GPBP1: variants seen among roughly 807,000 people sequenced by gnomAD.
GPBP1 encodes the protein vasculin.
GPBP1 carries 13 observed loss-of-function variants against 56.5 expected under a neutral mutation model. That is an observed-to-expected ratio of 0.23 (90% CI 0.15 to 0.37). The LOEUF (loss-of-function observed/expected upper bound fraction) is 0.37, where lower values mean the gene tolerates loss of function less well. Ranked by LOEUF, GPBP1 falls within the 10% of genes least tolerant of loss-of-function variation. The probability of loss-of-function intolerance (pLI) is 1.00; values close to 1 mark genes in which losing one functional copy is unlikely to be tolerated. For synonymous variants in GPBP1, 204 were observed against 188.9 expected, an observed-to-expected ratio of 1.08 and a Z score of -0.66; for missense variants, 477 against 572.3, an observed-to-expected ratio of 0.83 and a Z score of 1.70.
intron 3 of GPBP1, among the ~76,000 whole-genome samples, chr5:57,218,250 G>C (rs1452316872): frequency 6.6e-6 from 1 of 152,076 alleles, no homozygotes. Flanking sequence ...CAGGTTAAAT[G>C]TTCAGTCCCA....
chr5:57,187,003 A>AGT (rs66642664), intron 2 of GPBP1, among the ~76,000 whole-genome samples: 6,714 of 146,712 alleles, frequency 0.046, 208 homozygotes, highest in African/African-American at 0.086. Flanking sequence ...GACTCAGAGA[A>AGT]GTGTGTGTGT....
chr5:57,220,051 C>CA (rs34443889), intron 3 of GPBP1, among the ~76,000 whole-genome samples: 4,730 of 79,878 alleles, frequency 0.059, 80 homozygotes, highest in Non-Finnish European at 0.064. Flanking sequence ...GACCCTGTCT[C>CA]AAAAAAAAAA....
At chr5:57,207,599 G>A (rs1375024383) in intron 2 of GPBP1, among the ~76,000 whole-genome samples, 1 of 152,226 alleles carries the variant, frequency 6.6e-6, no homozygotes, top group Non-Finnish European at 1.5e-5. Flanking sequence ...TAGATGCCCT[G>A]CCTTATCGCA....
chr5:57,182,130 C>T (rs546805953), intron 2 of GPBP1, among the ~76,000 whole-genome samples: 69 of 152,308 alleles, frequency 4.5e-4, no homozygotes, highest in African/African-American at 1.5e-3. Flanking sequence ...CTTGCCCAGG[C>T]TGGAGTGCAG....
chr5:57,214,178 A>C lies in GPBP1; in HGVS notation c.48A>C (p.Pro16=). The C allele has an allele frequency of 1.2e-6, 2 of 1,612,800 alleles. No individual in the cohort carries two copies. The highest frequency in any genetic ancestry group is 1.7e-6 in the Non-Finnish European group (2 of 1,178,916). The change falls in exon 3 of 12, where the codon CCA becomes CCC. Residue 16 remains proline, a synonymous_variant. Transcript: ENST00000506184. ...CAGCCTGGCTTAATTTCCCTACTCC[A>C]CCATCATCAACAAAGGTACTCTTTC... ...FAPAWLNFPT[P]PSSTKSSLNF... is the part of the protein sequence containing the mutation.
intron 2 of GPBP1, among the ~76,000 whole-genome samples, chr5:57,180,412 A>G (rs1158520977): frequency 1.3e-5 from 2 of 152,128 alleles, no homozygotes; most frequent in African/African-American, 2.4e-5. Flanking sequence ...GAGCCACTGC[A>G]CCTGGTCAGA....
intron 2 of GPBP1, among the ~76,000 whole-genome samples, chr5:57,190,587 TAAAAAA>T (rs541358340): frequency 7.4e-6 from 1 of 135,112 alleles, no homozygotes; most frequent in Non-Finnish European, 1.6e-5. Context: ...CCATCTCAGT[TAAAAAA>T]AAAAAAAGAA....
chr5:57,196,056 A>G (rs1266627259), intron 2 of GPBP1, among the ~76,000 whole-genome samples: 4 of 148,102 alleles, frequency 2.7e-5, no homozygotes, highest in African/African-American at 1.0e-4. Context: ...TCAATATGAT[A>G]TCTGCACATA....
At chr5:57,189,888 CAGCTCAATTT>C (rs2111627456) in intron 2 of GPBP1, among the ~76,000 whole-genome samples, 1 of 152,270 alleles carries the variant, frequency 6.6e-6, no homozygotes, top group African/African-American at 2.4e-5. Context: ...CTTCCCTTGT[CAGCTCAATTT>C]TAGCTCAAAC....
chr5:57,185,876 C>G (rs1476448263), intron 2 of GPBP1, among the ~76,000 whole-genome samples: 2 of 151,584 alleles, frequency 1.3e-5, no homozygotes, highest in East Asian at 2.0e-4. Flanking sequence ...GGCGTGCCCC[C>G]TGCAGTCCCA....
At chr5:57,238,784 A>G (rs1580059681) in intron 6 of GPBP1, among the ~76,000 whole-genome samples, 1 of 152,172 alleles carries the variant, frequency 6.6e-6, no homozygotes, top group East Asian at 1.9e-4. Context: ...GCTCCTTGGT[A>G]GTTTGATGAG....
At chr5:57,199,954 G>GATCT (rs1395557428) in intron 2 of GPBP1, among the ~76,000 whole-genome samples, 1 of 145,626 alleles carries the variant, frequency 6.9e-6, no homozygotes, top group Non-Finnish European at 1.5e-5. Context: ...GACTTCAAGT[G>GATCT]ATCTACCTGC....
At chr5:57,209,398 T>C (rs562271684) in intron 2 of GPBP1, among the ~76,000 whole-genome samples, 1 of 152,332 alleles carries the variant, frequency 6.6e-6, no homozygotes, top group African/African-American at 2.4e-5. Flanking sequence ...ACTGTGGGGC[T>C]CTAGCACTTC....
chr5:57,210,216 T>C (rs1333816958), intron 2 of GPBP1, among the ~76,000 whole-genome samples: 1 of 152,238 alleles, frequency 6.6e-6, no homozygotes, highest in Non-Finnish European at 1.5e-5. Flanking sequence ...AAGTCAGGCA[T>C]GTGCACTTAA....
intron 2 of GPBP1, among the ~76,000 whole-genome samples, chr5:57,194,798 G>A (rs147560870): frequency 6.6e-6 from 1 of 152,166 alleles, no homozygotes; most frequent in African/African-American, 2.4e-5. Context: ...ACTGTCCTCT[G>A]GTTCCATCCT....
intron 6 of GPBP1, among the ~76,000 whole-genome samples, chr5:57,244,908 T>A (rs1741017432): frequency 6.6e-6 from 1 of 152,126 alleles, no homozygotes; most frequent in African/African-American, 2.4e-5. Context: ...TAATTCCTTT[T>A]TGTATTTTTA....
At chr5:57,204,513 A>G (rs577833977) in intron 2 of GPBP1, among the ~76,000 whole-genome samples, 1 of 152,254 alleles carries the variant, frequency 6.6e-6, no homozygotes, top group South Asian at 2.1e-4. Flanking sequence ...GGGCCTCCCA[A>G]AGTGCTGGGA....
At chr5:57,187,323 A>G (rs1754334801) in intron 2 of GPBP1, among the ~76,000 whole-genome samples, 1 of 152,204 alleles carries the variant, frequency 6.6e-6, no homozygotes, top group Non-Finnish European at 1.5e-5. Context: ...ACATTTCTAT[A>G]CTGGAAATGA....
At chr5:57,199,503 T>G (rs995254414) in intron 2 of GPBP1, among the ~76,000 whole-genome samples, 1 of 152,088 alleles carries the variant, frequency 6.6e-6, no homozygotes, top group Non-Finnish European at 1.5e-5. Flanking sequence ...CTCCTTCCTT[T>G]AACACATTGC....
Sources: allele counts gnomAD v4.1 joint callset (sites outside exome capture counted in the v4.1 genomes callset), GRCh38; gene constraint gnomAD v4.1.1; transcripts MANE v1.5; gene names NCBI Gene and HGNC (gene_info 2026-07-23, HGNC 2026-07-21).